The following FRMPD4 variants were observed in gnomAD, a reference collection of about 807,000 sequenced individuals.
FRMPD4 encodes FERM and PDZ domain containing 4.
In FRMPD4, 22 loss-of-function variants were observed where a neutral mutation model predicts 94.1. The observed-to-expected ratio is 0.23, with a 90% CI of 0.17 to 0.33. The LOEUF is 0.33. FRMPD4 is among the 10% of genes least tolerant of loss of function. The probability of loss-of-function intolerance (pLI) is 1.00; values close to 1 mark genes in which losing one functional copy is unlikely to be tolerated. For synonymous variants in FRMPD4, 631 were observed against 548.6 expected, an observed-to-expected ratio of 1.15 and a Z score of -2.10; for missense variants, 1,111 against 1,339.9, an observed-to-expected ratio of 0.83 and a Z score of 2.67.
chrX:12,083,126 A>T (rs1376813902), intron 3 of FRMPD4, among the ~76,000 whole-genome samples: 3 of 112,739 alleles, frequency 2.7e-5, no homozygotes, highest in Non-Finnish European at 5.6e-5. Context: ...AGAGACCTTC[A>T]TGGCATCCCC....
chrX:12,243,317 A>G (rs2053904073), intron 1 of FRMPD4, among the ~76,000 whole-genome samples: 1 of 112,610 alleles, frequency 8.9e-6, no homozygotes, highest in South Asian at 3.7e-4. Flanking sequence ...ATAATATGGA[A>G]AAGACTATCA....
intron 3 of FRMPD4, among the ~76,000 whole-genome samples, chrX:11,972,557 C>T (rs1054602276): frequency 3.6e-5 from 4 of 112,074 alleles, no homozygotes; most frequent in African/African-American, 1.3e-4. Flanking sequence ...TATTTTGAAG[C>T]ACAGGGGCTA....
intron 3 of FRMPD4, among the ~76,000 whole-genome samples, chrX:12,053,776 A>G (rs190005208): frequency 8.9e-6 from 1 of 112,350 alleles, no homozygotes; most frequent in East Asian, 2.8e-4. Context: ...AAGACAGATT[A>G]ACAAGAGAAA....
intron 1 of FRMPD4, among the ~76,000 whole-genome samples, chrX:12,478,598 C>G (rs748358773): frequency 1.2e-4 from 13 of 110,927 alleles, no homozygotes; most frequent in Admixed American, 1.1e-3. Flanking sequence ...AAAAGAAACC[C>G]GAGTAAAGTA....
At chrX:12,493,088 C>G (rs1255012078) in intron 1 of FRMPD4, among the ~76,000 whole-genome samples, 1 of 111,376 alleles carries the variant, frequency 9.0e-6, no homozygotes, top group Admixed American at 9.5e-5. Context: ...ACATGGCTGT[C>G]TTCAAAACTT....
chrX:12,263,145 G>A (rs953173674), intron 1 of FRMPD4, among the ~76,000 whole-genome samples: 2 of 111,805 alleles, frequency 1.8e-5, no homozygotes, highest in Non-Finnish European at 3.8e-5. Context: ...AGGGAGAAAG[G>A]ATGTCAATGA....
intron 2 of FRMPD4, among the ~76,000 whole-genome samples, chrX:12,543,618 A>C (rs1047291971): frequency 6.2e-5 from 7 of 112,068 alleles, no homozygotes; most frequent in African/African-American, 2.3e-4. Flanking sequence ...GAGAAATAGG[A>C]ACACTTTTAC....
At chrX:11,950,186 A>G (rs188858988) in intron 3 of FRMPD4, among the ~76,000 whole-genome samples, 2 of 111,387 alleles carry the variant, frequency 1.8e-5, no homozygotes, top group African/African-American at 6.5e-5. Flanking sequence ...CCCTGATTGC[A>G]CTCACTCTGT....
intron 1 of FRMPD4, among the ~76,000 whole-genome samples, chrX:12,265,481 G>A (rs2054258101): frequency 8.9e-6 from 1 of 112,002 alleles, no homozygotes; most frequent in Admixed American, 9.5e-5. Flanking sequence ...GATGATGACA[G>A]TGAGCCTTTT....
chrX:12,094,975 C>G (rs905069967), intron 3 of FRMPD4, among the ~76,000 whole-genome samples: 1 of 111,904 alleles, frequency 8.9e-6, no homozygotes, highest in Non-Finnish European at 1.9e-5. Flanking sequence ...GAATTGGAAG[C>G]AAACTCCATC....
intron 1 of FRMPD4, among the ~76,000 whole-genome samples, chrX:12,153,775 G>T (rs1452658578): frequency 8.9e-6 from 1 of 112,321 alleles, no homozygotes; most frequent in Non-Finnish European, 1.9e-5. Context: ...GCAAACCATA[G>T]CCTGTGGGCC....
chrX:12,374,191 G>T (rs962254323), intron 1 of FRMPD4, among the ~76,000 whole-genome samples: 7 of 112,176 alleles, frequency 6.2e-5, no homozygotes, highest in Non-Finnish European at 1.3e-4. Flanking sequence ...AAACAAAGCT[G>T]AGCATCTATA....
intron 3 of FRMPD4, among the ~76,000 whole-genome samples, chrX:12,013,377 C>T (rs2054590297): frequency 8.9e-6 from 1 of 111,926 alleles, no homozygotes. Context: ...CCAAAGATCT[C>T]GCCACTGTGG....
chrX:12,301,272 C>T (rs750704420), intron 1 of FRMPD4, among the ~76,000 whole-genome samples: 25 of 111,889 alleles, frequency 2.2e-4, no homozygotes, highest in African/African-American at 2.9e-4. Context: ...CAAATCAGAT[C>T]GTGTCTTTCT....
intron 3 of FRMPD4, among the ~76,000 whole-genome samples, chrX:11,891,852 G>A (rs1429130791): frequency 1.8e-5 from 2 of 112,341 alleles, no homozygotes; most frequent in Non-Finnish European, 3.8e-5. Context: ...ATTATTGTGA[G>A]AGTAGAAACT....
At chrX:11,982,620 G>A (rs958919030) in intron 3 of FRMPD4, among the ~76,000 whole-genome samples, 7 of 111,491 alleles carry the variant, frequency 6.3e-5, no homozygotes, top group African/African-American at 2.3e-4. Context: ...CCCGTGGACT[G>A]TATCTGGAAG....
At chrX:12,575,653 C>A (rs1602153632) in intron 2 of FRMPD4, among the ~76,000 whole-genome samples, 1 of 112,091 alleles carries the variant, frequency 8.9e-6, no homozygotes, top group East Asian at 2.8e-4. Context: ...GGTTTCTTAT[C>A]AGCTGACCTT....
intron 1 of FRMPD4, among the ~76,000 whole-genome samples, chrX:12,398,909 C>T (rs753626589): frequency 1.8e-5 from 2 of 111,408 alleles, no homozygotes; most frequent in Non-Finnish European, 3.8e-5. Context: ...TTCTCTGTGA[C>T]GGCTAGTTTA....
chrX:12,550,705 A>T (rs917250414), intron 2 of FRMPD4, among the ~76,000 whole-genome samples: 1 of 110,909 alleles, frequency 9.0e-6, no homozygotes, highest in Non-Finnish European at 1.9e-5. Flanking sequence ...CTTGGGTACA[A>T]AAGATTGATT....
Sources: gnomAD v4.1 joint callset for allele counts (sites outside exome capture counted in the v4.1 genomes callset) on GRCh38, gnomAD v4.1.1 for gene constraint, MANE v1.5 for transcripts, NCBI Gene and HGNC (gene_info 2026-07-23, HGNC 2026-07-21) for gene names.